PCDHA1: variants seen among roughly 807,000 people sequenced by gnomAD.
PCDHA1 encodes the protein protocadherin alpha 1.
In PCDHA1, 42 loss-of-function variants were observed where a neutral mutation model predicts 61.3. The ratio of observed to expected loss-of-function variants is 0.69; its 90% confidence interval spans 0.54 to 0.89. PCDHA1 has a LOEUF of 0.89. Among genes scored for constraint, PCDHA1 ranks in the 40% least tolerant of loss-of-function variants. PCDHA1 has a pLI of 0.00. For missense variants in PCDHA1, 1,256 were observed against 1,235.3 expected, an observed-to-expected ratio of 1.02 and a Z score of -0.25; for synonymous variants, 610 against 553.8, an observed-to-expected ratio of 1.10 and a Z score of -1.43.
chr5:140,914,185 C>G (rs1183431482), intron 1 of PCDHA1, among the ~76,000 whole-genome samples: 1 of 152,130 alleles, frequency 6.6e-6, no homozygotes, highest in Non-Finnish European at 1.5e-5. Flanking sequence ...AATTCTCCAC[C>G]TATTATTGTA....
At chr5:140,815,471 C>G (rs1243746743) in intron 1 of PCDHA1, 2 of 152,062 alleles carry the variant, frequency 1.3e-5, no homozygotes, top group East Asian at 3.8e-4. Context: ...ATTATGTTTA[C>G]TTCTCCCCTA....
rs370073139 is a variant in PCDHA1 at position 140,795,332 on chromosome 5, T to C, written c.2394+6648T>C. The C allele has an allele frequency of 2.6e-5, 42 of 1,613,634 alleles. No homozygotes were observed. In the African/African-American group the frequency reaches 5.2e-4, roughly 20 times the overall value. ...CAGGTTTTCCATGTGGAAGTGGAGG[T>C]GAAGGACATTAACGACAACCCGCCA... On this transcript the variant is annotated intron_variant, in intron 1 of 3. Transcript: ENST00000504120.
At chr5:140,977,599 AC>A (rs782213571) in intron 1 of PCDHA1, among the ~76,000 whole-genome samples, 1 of 152,150 alleles carries the variant, frequency 6.6e-6, no homozygotes, top group Non-Finnish European at 1.5e-5. Context: ...GCATGTGAGG[AC>A]CATTGAGGTA....
rs1554169144 is a variant in PCDHA1, at chr5:140,876,947, A to T, written c.2394+88263A>T. On this transcript the variant is annotated intron_variant, in intron 1 of 3. Transcript: ENST00000504120. ...GCGCAGAAGAACGCGCTGGTGTCCT[A>T]CTCGCTGGTGGAGCGGCGGGTGGGC... 1 of 1,613,496 alleles carries T rather than the reference A, an allele frequency of 6.2e-7. No homozygotes were observed. The highest frequency in any genetic ancestry group is 8.5e-7 in the Non-Finnish European group (1 of 1,179,858).
chr5:140,842,359 C>T (rs1157712945), intron 1 of PCDHA1: 5 of 1,606,532 alleles, frequency 3.1e-6, no homozygotes, highest in Non-Finnish European at 4.3e-6. Context: ...AAAATGATAA[C>T]GTCCCTGAGA....
At chr5:140,880,514 TC>T (rs1459255635) in intron 1 of PCDHA1, among the ~76,000 whole-genome samples, 1 of 152,198 alleles carries the variant, frequency 6.6e-6, no homozygotes, top group Non-Finnish European at 1.5e-5. Context: ...TTTGGTCACA[TC>T]TCTCAATGTG....
intron 1 of PCDHA1, among the ~76,000 whole-genome samples, chr5:140,872,937 A>C (rs2053993403): frequency 6.6e-6 from 1 of 152,034 alleles, no homozygotes; most frequent in South Asian, 2.1e-4. Flanking sequence ...TGTTTTTGAA[A>C]TTTTCTTTCC....
intron 1 of PCDHA1, chr5:140,829,592 G>C: frequency 6.2e-7 from 1 of 1,612,022 alleles, no homozygotes; most frequent in South Asian, 1.1e-5. Flanking sequence ...GCGGGTGGGC[G>C]AGCGCGCGTT....
intron 1 of PCDHA1, chr5:140,867,277 A>G (rs2153229225): frequency 6.6e-6 from 1 of 152,228 alleles, no homozygotes; most frequent in East Asian, 1.9e-4. Context: ...AATAAACCTG[A>G]TGTGCTTCAA....
chr5:140,870,130 A>T (rs781855370), intron 1 of PCDHA1: 2 of 1,613,866 alleles, frequency 1.2e-6, no homozygotes, highest in East Asian at 4.5e-5. Context: ...CTTGGACACC[A>T]ACGATAACTC....
chr5:140,808,435 G>A lies in PCDHA1; in HGVS notation c.2394+19751G>A, dbSNP rs376887531. On this transcript the variant is annotated intron_variant, in intron 1 of 3. Transcript: ENST00000504120. ...TGCTGGACAGTGCCCTGGACCGCGAGAGCGTGTCAGCCTATGAGCTGGTGG... is the reference window on the plus strand; with the variant it reads ...TGCTGGACAGTGCCCTGGACCGCGAAAGCGTGTCAGCCTATGAGCTGGTGG... 12 of 1,614,194 alleles carry A rather than the reference G, an allele frequency of 7.4e-6. No individual in the cohort carries two copies. The African/African-American group carries it at 1.6e-4, about 22-fold the overall frequency.
chr5:140,868,892 A>C (rs1450985948), intron 1 of PCDHA1: 8 of 760,982 alleles, frequency 1.1e-5, no homozygotes, highest in Non-Finnish European at 1.6e-5. Context: ...TTTTAGGCGC[A>C]AGGTGTCGCT....
At chr5:140,943,024 A>C (rs2093406550) in intron 1 of PCDHA1, among the ~76,000 whole-genome samples, 1 of 152,102 alleles carries the variant, frequency 6.6e-6, no homozygotes, top group Admixed American at 6.6e-5. Context: ...TGGGAGGCTG[A>C]GGTGGGTGGA....
rs1171497178 is a variant in PCDHA1, at chr5:140,993,431, C to A, written c.2542+10868C>A. 2.7e-5 allele frequency among the ~76,000 whole-genome samples: 4 copies of A among 149,406 alleles called. No homozygotes were observed. The Admixed American group carries it at 2.7e-4, about 10-fold the overall frequency. On this transcript the variant is annotated intron_variant, in intron 3 of 3. Coordinates refer to ENST00000504120, the MANE Select transcript of PCDHA1 (RefSeq NM_018900.4). ...TCATCAGCATTTCTCTTTTAAAATC[C>A]TTATTCATTCCTGTTCTCCTTCTTT...
intron 1 of PCDHA1, among the ~76,000 whole-genome samples, chr5:140,806,596 A>G (rs1201550918): frequency 6.6e-6 from 1 of 152,178 alleles, no homozygotes; most frequent in Non-Finnish European, 1.5e-5. Context: ...GAAGTTCCCT[A>G]GAGACCAGTC....
Position 140,875,195 on chromosome 5 carries a change from G to A in PCDHA1, c.2394+86511G>A, listed in dbSNP as rs1554167540. On this transcript the variant is annotated intron_variant, in intron 1 of 3. Transcript: ENST00000504120. ...AACATTAGAATTAAGAGTGACCCAG[G>A]AAGTGGCTAAACCGAAAAGAACCTC... is the stretch of plus-strand genomic sequence containing the variant. The A allele has an allele frequency of 1.5e-5, 8 of 526,354 alleles. No individual in the cohort carries two copies. The Admixed American group carries it at 1.6e-4, about 10-fold the overall frequency. 32.6% of individuals were successfully genotyped at this position (526,354 alleles called of 1,614,324 possible). A position where few individuals can be genotyped will look rare whatever the true frequency, so the allele number is the denominator to read the frequency against.
intron 1 of PCDHA1, chr5:140,848,613 G>C (rs147099629): frequency 6.3e-7 from 1 of 1,587,628 alleles, no homozygotes; most frequent in Admixed American, 1.7e-5. Flanking sequence ...GGAGGAAGCC[G>C]AACACGGCAC....
chr5:140,857,377 G>A (rs1347476888), intron 1 of PCDHA1: 1 of 1,598,358 alleles, frequency 6.3e-7, no homozygotes, highest in African/African-American at 1.3e-5. Context: ...TGTCTGTGGA[G>A]GTGGCCGACG....
chr5:140,809,229 G>C lies in PCDHA1; in HGVS notation c.2394+20545G>C, dbSNP rs1452307952. The C allele has an allele frequency of 1.4e-5, 23 of 1,613,928 alleles. No homozygotes were observed. The highest frequency in any genetic ancestry group is 1.9e-5 in the Non-Finnish European group (23 of 1,179,948). ...GGACAGGCGCCAAAGGCCTCCTCAC[G>C]GGCGTTGGTGGGCGCTGTGGGTCCC... On this transcript the variant is annotated intron_variant, in intron 1 of 3. Transcript: ENST00000504120.
Sources: allele counts gnomAD v4.1 joint callset (sites outside exome capture counted in the v4.1 genomes callset), GRCh38; gene constraint gnomAD v4.1.1; transcripts MANE v1.5; gene names NCBI Gene and HGNC (gene_info 2026-07-23, HGNC 2026-07-21).